Variants in HSF5 observed in about 807,000 individuals in gnomAD.
HSF5 encodes heat shock factor protein 5.
HSF5 carries 5 observed loss-of-function variants against 50.8 expected under a neutral mutation model. The ratio of observed to expected loss-of-function variants is 0.10; its 90% CI spans 0.05 to 0.21. The LOEUF (loss-of-function observed/expected upper bound fraction) is 0.21. Among genes scored for constraint, HSF5 ranks in the 10% least tolerant of loss-of-function variants. The pLI is 1.00. For missense variants in HSF5, 564 were observed against 762.6 expected (o/e 0.74, Z 3.07); for synonymous variants, 307 against 307.4 (o/e 1.00, Z 0.02).
intron 5 of HSF5, among the ~76,000 whole-genome samples, chr17:58,457,827 A>C (rs909268385): frequency 2.0e-5 from 3 of 152,232 alleles, no homozygotes; most frequent in African/African-American, 7.2e-5. Context: ...TTTAGTCTTT[A>C]ATTATGGATT....
Position 58,479,921 on chromosome 17 carries a change from T to G in HSF5, c.897A>C (p.Ala299=), listed in dbSNP as rs772005848. The G allele has an allele frequency of 1.7e-5, 27 of 1,613,718 alleles. No homozygotes were observed. In the South Asian group the frequency reaches 2.7e-4, roughly 16 times the overall value. ...SQKYSNYTPS[A]QYSQAYYPTA... ...TTGGATAGTAGGCTTGCGAGTACTG[T>G]GCTGAGGGTGTGTAGTTACTGTATT... The change falls in exon 2 of 6, where the codon GCA becomes GCC. Residue 299 remains alanine (A), a synonymous_variant. Coordinates refer to ENST00000323777, the MANE Select transcript of HSF5 (RefSeq NM_001080439.3).
chr17:58,462,878 C>T lies in HSF5; in HGVS notation c.1446G>A (p.Gln482=). The change falls in exon 4 of 6, where the codon CAG becomes CAA. Residue 482 remains glutamine (Q), a synonymous_variant. Transcript: ENST00000323777. ...GCTCCTTCAGTTTGACATGAGCTTG[C>T]TGGATGGCTGCAGATTCCTGTATTG... ...NSTIQESAAI[Q]QAHVKLKEHL... is the part of the protein sequence containing the mutation. 6.2e-7 allele frequency: 1 copy of T among 1,614,138 alleles called. No homozygotes were observed. The highest frequency in any genetic ancestry group is 8.5e-7 in the Non-Finnish European group (1 of 1,179,986).
At chr17:58,481,123 A>G (rs1975093558) in intron 1 of HSF5, among the ~76,000 whole-genome samples, 1 of 152,214 alleles carries the variant, frequency 6.6e-6, no homozygotes, top group Non-Finnish European at 1.5e-5. Context: ...CTTTATAAAA[A>G]AGTCAGGCTT....
intron 3 of HSF5, among the ~76,000 whole-genome samples, chr17:58,465,169 CTTTA>C (rs1974845726): frequency 7.4e-6 from 1 of 135,194 alleles, no homozygotes; most frequent in Admixed American, 7.6e-5. Context: ...TTCTTCCTTC[CTTTA>C]TTTCTTTTCT....
chr17:58,463,362 A>G, intron 3 of HSF5, 59 bp from the exon 4 acceptor site: 1 of 1,386,172 alleles, frequency 7.2e-7, no homozygotes, highest in Non-Finnish European at 1.0e-6. Flanking sequence ...ATTAAGGAGG[A>G]AAGCTACAAT....
At chr17:58,443,215 G>A (rs545582420) in intron 5 of HSF5, among the ~76,000 whole-genome samples, 1 of 152,070 alleles carries the variant, frequency 6.6e-6, no homozygotes, top group South Asian at 2.1e-4. Context: ...TCACCATATT[G>A]GCCAGGCTGG....
intron 5 of HSF5, among the ~76,000 whole-genome samples, chr17:58,446,370 C>T (rs549207520): frequency 8.5e-5 from 13 of 152,230 alleles, no homozygotes; most frequent in African/African-American, 2.9e-4. Flanking sequence ...AGCACCCTAC[C>T]CCCAACCCCA....
chr17:58,443,461 T>C (rs1177186995), intron 5 of HSF5, among the ~76,000 whole-genome samples: 1 of 152,182 alleles, frequency 6.6e-6, no homozygotes, highest in African/African-American at 2.4e-5. Context: ...ATGTGTTAAC[T>C]ACTCTATATA....
chr17:58,437,483 C>T (rs571177590), intron 5 of HSF5, among the ~76,000 whole-genome samples: 1 of 151,980 alleles, frequency 6.6e-6, no homozygotes, highest in Non-Finnish European at 1.5e-5. Flanking sequence ...GAAAATTTCC[C>T]GTAATCCTAT....
At chr17:58,437,822 G>A (rs533420351) in intron 5 of HSF5, among the ~76,000 whole-genome samples, 24 of 152,218 alleles carry the variant, frequency 1.6e-4, no homozygotes, top group African/African-American at 4.1e-4. Context: ...CCCACTGTCA[G>A]GCATTTATGC....
intron 1 of HSF5, among the ~76,000 whole-genome samples, chr17:58,480,589 T>C (rs1214232545): frequency 7.2e-5 from 11 of 152,180 alleles, no homozygotes; most frequent in Admixed American, 7.2e-4. Flanking sequence ...TTTCGCTTTA[T>C]TTGCCTGACC....
At chr17:58,466,520 C>T (rs117227054) in intron 3 of HSF5, among the ~76,000 whole-genome samples, 38 of 152,174 alleles carry the variant, frequency 2.5e-4, no homozygotes, top group East Asian at 1.7e-3. Flanking sequence ...AATGTGTCTA[C>T]GTTAAGTATG....
chr17:58,481,863 G>A (rs941376206), intron 1 of HSF5, among the ~76,000 whole-genome samples: 3 of 152,200 alleles, frequency 2.0e-5, no homozygotes, highest in Non-Finnish European at 4.4e-5. Flanking sequence ...AGCTGGGCAC[G>A]ATGGTGCATG....
chr17:58,471,890 G>GT (rs1215294319), intron 2 of HSF5, among the ~76,000 whole-genome samples: 2 of 152,188 alleles, frequency 1.3e-5, no homozygotes, highest in African/African-American at 4.8e-5. Flanking sequence ...GTCTTGATCT[G>GT]TTGCCGAGGC....
intron 5 of HSF5, among the ~76,000 whole-genome samples, chr17:58,455,281 A>G (rs1324651166): frequency 1.3e-5 from 2 of 152,212 alleles, no homozygotes; most frequent in Non-Finnish European, 2.9e-5. Context: ...CATATGCAGA[A>G]GAAGGAAACT....
chr17:58,472,492 A>G (rs1567916770), intron 2 of HSF5, among the ~76,000 whole-genome samples: 1 of 152,202 alleles, frequency 6.6e-6, no homozygotes, highest in East Asian at 1.9e-4. Flanking sequence ...TAATAAAAAT[A>G]AAAATAAACA....
intron 2 of HSF5, among the ~76,000 whole-genome samples, chr17:58,475,911 A>C (rs1975006211): frequency 6.6e-6 from 1 of 152,140 alleles, no homozygotes; most frequent in Non-Finnish European, 1.5e-5. Flanking sequence ...TTTCGAACAG[A>C]AAGGGGTAGA....
At chr17:58,449,438 G>A (rs1246339311) in intron 5 of HSF5, among the ~76,000 whole-genome samples, 1 of 152,218 alleles carries the variant, frequency 6.6e-6, no homozygotes, top group African/African-American at 2.4e-5. Flanking sequence ...AGTGGCTCAT[G>A]CCTGTAATCC....
At chr17:58,458,591 T>C (rs879928255) in intron 5 of HSF5, among the ~76,000 whole-genome samples, 177 bp downstream of exon 5, 3 of 152,210 alleles carry the variant, frequency 2.0e-5, no homozygotes, top group African/African-American at 7.2e-5. Context: ...TATTACATAC[T>C]TCACAACAAT....
Sources: gnomAD v4.1 joint callset for allele counts (sites outside exome capture counted in the v4.1 genomes callset) on GRCh38, gnomAD v4.1.1 for gene constraint, MANE v1.5 for transcripts, NCBI Gene and HGNC (gene_info 2026-07-23, HGNC 2026-07-21) for gene names.